Variants in PTPN13 observed in about 807,000 individuals in gnomAD.
PTPN13 encodes the protein tyrosine-protein phosphatase non-receptor type 13.
A neutral mutation model predicts 284.0 loss-of-function variants in PTPN13; 191 were observed. The ratio of observed to expected loss-of-function variants is 0.67; its 90% CI spans 0.60 to 0.76. The LOEUF is 0.76. Among genes scored for constraint, PTPN13 ranks in the 30% least tolerant of loss-of-function variants. PTPN13 has a pLI of 0.00. For synonymous variants in PTPN13, 986 were observed against 1,022.3 expected (o/e 0.96, Z 0.68); for missense variants, 2,797 against 2,939.9 (o/e 0.95, Z 1.12).
intron 10 of PTPN13, among the ~76,000 whole-genome samples, chr4:86,729,200 C>G (rs183759782): frequency 2.0e-5 from 3 of 149,404 alleles, no homozygotes; most frequent in Non-Finnish European, 4.5e-5. Flanking sequence ...GGGTTTCTGC[C>G]GAGAGATCGC....
chr4:86,646,527 G>A (rs1161444548), intron 2 of PTPN13, among the ~76,000 whole-genome samples: 6 of 152,220 alleles, frequency 3.9e-5, no homozygotes, highest in African/African-American at 1.4e-4. Context: ...GGAACTCCTG[G>A]CCTCAAATCA....
intron 42 of PTPN13, among the ~76,000 whole-genome samples, chr4:86,802,269 G>T (rs1033031634): frequency 1.3e-5 from 2 of 151,910 alleles, no homozygotes; most frequent in Non-Finnish European, 2.9e-5. Flanking sequence ...CTGTAACAGA[G>T]TTCTGTTGTT....
chr4:86,682,282 C>G (rs1421528810), intron 3 of PTPN13, among the ~76,000 whole-genome samples: 1 of 152,160 alleles, frequency 6.6e-6, no homozygotes, highest in East Asian at 1.9e-4. Flanking sequence ...GTGTCCTGGC[C>G]TGCTATACTA....
At chr4:86,803,037 C>G (rs1744208556) in intron 42 of PTPN13, among the ~76,000 whole-genome samples, 2 of 150,748 alleles carry the variant, frequency 1.3e-5, no homozygotes, top group Admixed American at 1.3e-4. Flanking sequence ...TGTGCCATTG[C>G]ACTTCAGCCT....
At chr4:86,805,493 T>A (rs1744555591) in intron 44 of PTPN13, 124 bp downstream of exon 44, 1 of 491,840 alleles carries the variant, frequency 2.0e-6, no homozygotes, top group Admixed American at 4.0e-5. Flanking sequence ...TTCACAGATT[T>A]ATATCAGTAA....
chr4:86,651,681 T>G (rs1454887998), intron 2 of PTPN13, among the ~76,000 whole-genome samples: 2 of 152,166 alleles, frequency 1.3e-5, no homozygotes, highest in Non-Finnish European at 2.9e-5. Flanking sequence ...TCTATTGTTA[T>G]TTGGATTTCT....
intron 2 of PTPN13, among the ~76,000 whole-genome samples, chr4:86,643,592 T>C (rs1724072968): frequency 6.6e-6 from 1 of 152,178 alleles, no homozygotes; most frequent in Non-Finnish European, 1.5e-5. Flanking sequence ...CAATTACTTT[T>C]ATTGCATAAA....
At chr4:86,744,769 G>A (rs1185974389) in intron 16 of PTPN13, among the ~76,000 whole-genome samples, 197 bp from the exon 17 acceptor site, 1 of 152,188 alleles carries the variant, frequency 6.6e-6, no homozygotes, top group Admixed American at 6.5e-5. Context: ...GTTTGTTTAA[G>A]TACACTTCAG....
intron 10 of PTPN13, among the ~76,000 whole-genome samples, chr4:86,728,660 T>TTATTTATTTA (rs1554325723): frequency 9.3e-6 from 1 of 108,074 alleles, no homozygotes; most frequent in African/African-American, 3.4e-5. Context: ...TTTTTTTTTT[T>TTATTTATTTA]TTTTTTTTTT....
intron 2 of PTPN13, among the ~76,000 whole-genome samples, chr4:86,660,138 T>A (rs903288430): frequency 6.6e-6 from 1 of 152,228 alleles, no homozygotes; most frequent in Non-Finnish European, 1.5e-5. Context: ...AATTTAAAAT[T>A]ATAAGTAAAA....
chr4:86,609,920 A>C lies in PTPN13; in HGVS notation c.-6+15131A>C. On this transcript the variant is annotated intron_variant, in intron 1 of 47. Transcript: ENST00000411767. ...TGTGCAAAGAAGCTAGATACATAGA[A>C]ATTTTTAAAAACATGTTTGTTTTTC... Among the ~76,000 whole-genome samples, 2 of 152,194 alleles carry C rather than the reference A, an allele frequency of 1.3e-5. 1 individual carries two copies. The highest frequency in any genetic ancestry group is 2.9e-5 in the Non-Finnish European group (2 of 68,030).
intron 15 of PTPN13, among the ~76,000 whole-genome samples, chr4:86,738,647 A>G (rs2149157390): frequency 6.6e-6 from 1 of 152,138 alleles, no homozygotes; most frequent in African/African-American, 2.4e-5. Context: ...ACATATATTT[A>G]TTTACTCCTA....
chr4:86,637,344 C>T (rs1473721782), intron 2 of PTPN13, among the ~76,000 whole-genome samples: 2 of 152,130 alleles, frequency 1.3e-5, no homozygotes, highest in Non-Finnish European at 2.9e-5. Context: ...CCAGCATCAT[C>T]CTGATACCAA....
At position 86,805,457 on chromosome 4, in the gene PTPN13, C is replaced by A. The variant is rs545867228; in HGVS notation, c.6745+88C>A. On this transcript the variant is annotated intron_variant, in intron 44 of 47. Transcript: ENST00000411767. The stretch of plus-strand genomic sequence containing the variant: ...TTTTGTGTTTAACTTACCTATCCCT[C>A]ACATAACCGTGTGCATGTGCATACA... 630 of 638,106 alleles carry A rather than the reference C, an allele frequency of 9.9e-4. 3 individuals are homozygous for A. Among genetic ancestry groups the A allele is most frequent in the Middle Eastern group, 1.8e-3 (7 of 3,886 alleles). The allele number at this position is 638,106 out of a possible 1,614,324, so 39.5% of individuals were successfully genotyped here. A position where few individuals can be genotyped will look rare whatever the true frequency, so the allele number is the denominator to read the frequency against.
At chr4:86,778,684 G>A (rs1246680465) in intron 35 of PTPN13, among the ~76,000 whole-genome samples, 2 of 152,042 alleles carry the variant, frequency 1.3e-5, no homozygotes, top group Admixed American at 1.3e-4. Context: ...TTGCATTTTG[G>A]TGTATAAGCC....
chr4:86,784,314 C>T (rs1318077894), intron 37 of PTPN13, 151 bp from the exon 38 acceptor site: 1 of 538,834 alleles, frequency 1.9e-6, no homozygotes, highest in Non-Finnish European at 3.2e-6. Flanking sequence ...TTTAATTGCA[C>T]TGATATTTCC....
chr4:86,738,054 T>C (rs28846800), intron 15 of PTPN13, among the ~76,000 whole-genome samples: 12,403 of 152,158 alleles, frequency 0.082, 641 homozygotes, highest in Non-Finnish European at 0.11. Context: ...GATTCATCCA[T>C]GGTGTGGTAT....
At chr4:86,701,125 A>T (rs955808091) in intron 6 of PTPN13, 116 bp from the exon 7 acceptor site, 30 of 721,608 alleles carry the variant, frequency 4.2e-5, no homozygotes, top group Non-Finnish European at 4.9e-5. Flanking sequence ...TTCACCTCTG[A>T]TCTTCCATTT....
At chr4:86,724,714 T>A (rs1346261844) in intron 10 of PTPN13, among the ~76,000 whole-genome samples, 1 of 150,988 alleles carries the variant, frequency 6.6e-6, no homozygotes, top group African/African-American at 2.4e-5. Flanking sequence ...ATGTTTAGGA[T>A]TTTTTTTTCT....
Sources: allele counts gnomAD v4.1 joint callset (sites outside exome capture counted in the v4.1 genomes callset), GRCh38; gene constraint gnomAD v4.1.1; transcripts MANE v1.5; gene names NCBI Gene and HGNC (gene_info 2026-07-23, HGNC 2026-07-21).